Variants in SV2C observed in about 807,000 individuals in gnomAD.
SV2C encodes the protein synaptic vesicle glycoprotein 2C.
SV2C carries 49 observed loss-of-function variants against 79.7 expected under a neutral mutation model. The observed-to-expected ratio is 0.61, with a 90% CI of 0.49 to 0.78. The LOEUF is 0.78. SV2C is among the 30% of genes least tolerant of loss of function. The pLI is 0.00. For missense variants in SV2C, 833 were observed against 912.9 expected (o/e 0.91, Z 1.13); for synonymous variants, 334 against 333.2 (o/e 1.00, Z -0.03).
chr5:76,072,037 G>C, the SV2C span, among the ~76,000 whole-genome samples: 1 of 152,080 alleles, frequency 6.6e-6, no homozygotes, highest in East Asian at 1.9e-4. Flanking sequence ...ACGAAAAGGA[G>C]AGAGAAAAAA....
the SV2C span, among the ~76,000 whole-genome samples, chr5:76,038,735 G>A: frequency 1.3e-5 from 2 of 152,260 alleles, no homozygotes; most frequent in South Asian, 4.2e-4. Flanking sequence ...ATTATATTTT[G>A]CATAATTATT....
At chr5:76,073,505 A>ATG in the SV2C span, among the ~76,000 whole-genome samples, 23 of 37,936 alleles carry the variant, frequency 6.1e-4, 1 homozygote, top group African/African-American at 4.3e-3. Context: ...ATGTGTGTGT[A>ATG]TATATATATA....
At chr5:75,909,531 A>G in the SV2C span, among the ~76,000 whole-genome samples, 4 of 152,334 alleles carry the variant, frequency 2.6e-5, no homozygotes, top group East Asian at 5.8e-4. Flanking sequence ...GAGGGGAGAC[A>G]AGTGGGCTCA....
intron 3 of SV2C, among the ~76,000 whole-genome samples, chr5:76,203,974 G>A (rs1744531466): frequency 6.6e-6 from 1 of 152,176 alleles, no homozygotes; most frequent in Admixed American, 6.5e-5. Context: ...ATCACTGATA[G>A]CAAACATGTG....
At chr5:76,324,909 G>A (rs1748941221) in intron 12 of SV2C, among the ~76,000 whole-genome samples, 1 of 152,090 alleles carries the variant, frequency 6.6e-6, no homozygotes, top group South Asian at 2.1e-4. Flanking sequence ...TGTAGTCCTA[G>A]CTACTCAGGA....
the SV2C span, among the ~76,000 whole-genome samples, chr5:75,944,788 T>C: frequency 6.6e-6 from 1 of 152,202 alleles, no homozygotes; most frequent in African/African-American, 2.4e-5. Flanking sequence ...AAAGTACCCA[T>C]TTCTTTTACA....
downstream of SV2C, among the ~76,000 whole-genome samples, chr5:76,337,205 T>C (rs2112582401): frequency 6.6e-6 from 1 of 152,108 alleles, no homozygotes; most frequent in Non-Finnish European, 1.5e-5. Flanking sequence ...AGGGTTGGGT[T>C]TTTCTCAGGA....
chr5:75,911,626 G>T, the SV2C span: 1 of 702,486 alleles, frequency 1.4e-6, no homozygotes, highest in African/African-American at 1.8e-5. Context: ...CAAAGAAAAT[G>T]AAAACATCCA....
At chr5:76,223,994 C>A (rs1745167867) in intron 4 of SV2C, among the ~76,000 whole-genome samples, 1 of 152,090 alleles carries the variant, frequency 6.6e-6, no homozygotes, top group Admixed American at 6.5e-5. Flanking sequence ...AGGGTCCCAC[C>A]CTTATGAGCT....
In SV2C at chr5:76,295,820, T is replaced by C; in HGVS notation, c.1380T>C (p.Pro460=). 1.9e-6 allele frequency: 3 copies of C among 1,613,102 alleles called. No individual in the cohort carries two copies. The highest frequency in any genetic ancestry group is 2.5e-6 in the Non-Finnish European group (3 of 1,179,658). ...LSVWFPDVIK[P]LQSDEYALLT... is the part of the protein sequence containing the mutation. ...TTTGGTTCCCTGATGTCATTAAACCTCTGCAGTCCGATGAATATGCATTGC... is the reference window on the plus strand; with the variant it reads ...TTTGGTTCCCTGATGTCATTAAACCCCTGCAGTCCGATGAATATGCATTGC... The change falls in exon 9 of 13, where the codon CCT becomes CCC. Residue 460 remains proline (P), a synonymous_variant. Transcript: ENST00000502798.
chr5:76,100,114 A>AAGG (rs533215750), intron 1 of SV2C, among the ~76,000 whole-genome samples: 1 of 152,214 alleles, frequency 6.6e-6, no homozygotes, highest in Non-Finnish European at 1.5e-5. Context: ...ATAATAGGAA[A>AAGG]AGGAGGAGCT....
At chr5:75,962,050 T>C in the SV2C span, among the ~76,000 whole-genome samples, 29 of 151,994 alleles carry the variant, frequency 1.9e-4, no homozygotes, top group Admixed American at 1.9e-3. Context: ...CAGCCCACAA[T>C]CCTACTTGGC....
At chr5:76,336,363 C>T (rs924965104), downstream of SV2C, among the ~76,000 whole-genome samples, 1 of 152,028 alleles carries the variant, frequency 6.6e-6, no homozygotes, top group Non-Finnish European at 1.5e-5. Context: ...CTCCTCACTT[C>T]CTAGATGGGA....
chr5:76,254,887 G>A (rs182814796), intron 4 of SV2C, among the ~76,000 whole-genome samples: 3 of 152,260 alleles, frequency 2.0e-5, no homozygotes, highest in East Asian at 3.9e-4. Flanking sequence ...ATCTGAGACA[G>A]GCATATTGGC....
At chr5:76,344,042 A>G (rs2112587169) in intron 12 of SV2C, among the ~76,000 whole-genome samples, 1 of 152,060 alleles carries the variant, frequency 6.6e-6, no homozygotes, top group East Asian at 1.9e-4. Context: ...AACAACAAAC[A>G]TTGCCTTCAT....
rs546062424 is a variant in SV2C at position 76,331,540 on chromosome 5, G to T, written c.*5993G>T. 5 of 152,272 alleles carry T rather than the reference G, an allele frequency of 3.3e-5. No individual in the cohort carries two copies. The East Asian group carries it at 9.6e-4, about 29-fold the overall frequency. 9.4% of individuals were successfully genotyped at this position (152,272 alleles called of 1,614,324 possible). ...GTTTGGGGTTCTAGGGCCTGCAGGG[G>T]GGCAGAGCAGAAAGAGGGTAGTTGT... On this transcript the variant is annotated 3_prime_UTR_variant, in exon 13 of 13. Transcript: ENST00000502798.
the SV2C span, among the ~76,000 whole-genome samples, chr5:76,009,732 C>T: frequency 1.3e-5 from 2 of 152,002 alleles, no homozygotes; most frequent in South Asian, 2.1e-4. Flanking sequence ...AATGTGGCAA[C>T]AATAGACACG....
the SV2C span, among the ~76,000 whole-genome samples, chr5:75,932,392 G>C: frequency 0.011 from 1,645 of 152,294 alleles, 26 homozygotes; most frequent in African/African-American, 0.038. Flanking sequence ...CGGTTGTGGA[G>C]ACCCGAACCC....
At position 76,182,016 on chromosome 5, in the gene SV2C, C is replaced by A. The variant is rs145250599; in HGVS notation, c.581-12903C>A. Among the ~76,000 whole-genome samples, 1,267 of 152,302 alleles carry A rather than the reference C, an allele frequency of 8.3e-3. 7 individuals carry two copies. Among genetic ancestry groups the A allele is most frequent in the Middle Eastern group, 0.02 (6 of 294 alleles). Reference sequence around the variant, plus strand: ...TCTCATGCCTCCTACGTTAGACCTTCTCCAGGACTGTTGTGTAGTCCTGAA... The same window carrying A: ...TCTCATGCCTCCTACGTTAGACCTTATCCAGGACTGTTGTGTAGTCCTGAA... On this transcript the variant is annotated intron_variant, in intron 2 of 12. Coordinates refer to ENST00000502798, the MANE Select transcript of SV2C (RefSeq NM_014979.4).
Sources: allele counts gnomAD v4.1 joint callset (sites outside exome capture counted in the v4.1 genomes callset), GRCh38; gene constraint gnomAD v4.1.1; transcripts MANE v1.5; gene names NCBI Gene and HGNC (gene_info 2026-07-23, HGNC 2026-07-21).